The following ITCH variants were observed in gnomAD, a reference collection of about 807,000 sequenced individuals.
ITCH encodes the protein itchy E3 ubiquitin protein ligase.
Under a neutral mutation model 126.8 loss-of-function variants are expected in ITCH, and 28 were observed. The ratio of observed to expected loss-of-function variants is 0.22; its 90% confidence interval spans 0.16 to 0.30. The LOEUF (loss-of-function observed/expected upper bound fraction) is 0.30, where lower values mean the gene tolerates loss of function less well. ITCH is among the 10% of genes least tolerant of loss of function. ITCH has a pLI of 1.00. For missense variants in ITCH, 631 were observed against 1,032.4 expected (o/e 0.61, Z 5.33); for synonymous variants, 342 against 340.0 (o/e 1.01, Z -0.06).
intron 3 of ITCH, among the ~76,000 whole-genome samples, chr20:34,400,013 A>G (rs1174538433): frequency 6.6e-6 from 1 of 151,668 alleles, no homozygotes; most frequent in Non-Finnish European, 1.5e-5. Context: ...ATCTTGGCTC[A>G]CTGCAACCTC....
chr20:34,378,388 T>A (rs2037925631), intron 2 of ITCH, among the ~76,000 whole-genome samples: 1 of 139,542 alleles, frequency 7.2e-6, no homozygotes, highest in Admixed American at 8.2e-5. Flanking sequence ...GCTGGAGAAT[T>A]CCTGAACCCA....
At chr20:34,393,173 A>G (rs1246128415) in intron 2 of ITCH, among the ~76,000 whole-genome samples, 4 of 152,128 alleles carry the variant, frequency 2.6e-5, no homozygotes, top group Middle Eastern at 6.3e-3. Flanking sequence ...GCAAAGGGGA[A>G]GTCTTCTTTT....
At chr20:34,363,681 C>T (rs1054882240) in intron 1 of ITCH, among the ~76,000 whole-genome samples, 3 of 152,084 alleles carry the variant, frequency 2.0e-5, no homozygotes, top group Non-Finnish European at 2.9e-5. Flanking sequence ...CCCCTCAGCC[C>T]CGCCTGGGGC....
chr20:34,495,300 T>A (rs1387956254), intron 23 of ITCH, among the ~76,000 whole-genome samples: 1 of 135,940 alleles, frequency 7.4e-6, no homozygotes, highest in Non-Finnish European at 1.6e-5. Flanking sequence ...ATAAAATATA[T>A]ATATATATAT....
At chr20:34,469,010 AT>A (rs1363699461) in intron 14 of ITCH, among the ~76,000 whole-genome samples, 2 of 152,192 alleles carry the variant, frequency 1.3e-5, no homozygotes, top group Non-Finnish European at 2.9e-5. Context: ...TATACATTGA[AT>A]TTTTAAGAGG....
intron 3 of ITCH, among the ~76,000 whole-genome samples, chr20:34,395,592 C>T (rs960880423): frequency 1.3e-5 from 2 of 152,202 alleles, no homozygotes; most frequent in Non-Finnish European, 2.9e-5. Flanking sequence ...GCCCTGTACT[C>T]ATTAGCAGTC....
Position 34,501,940 on chromosome 20 carries a change from A to C in ITCH, c.2417-2391A>C, listed in dbSNP as rs1184858290. ...TAAATTATAGATGGTCAAGGTGGAG[A>C]AAAATGAGGTAGATCTTAAAAGCAT... On this transcript the variant is annotated intron_variant, in intron 23 of 24. Transcript: ENST00000374864. 9.2e-5 allele frequency among the ~76,000 whole-genome samples: 14 copies of C among 152,292 alleles called. No individual in the cohort carries two copies. In the South Asian group the frequency reaches 2.7e-3, roughly 29 times the overall value.
intron 10 of ITCH, among the ~76,000 whole-genome samples, chr20:34,444,913 A>T (rs1354490964): frequency 2.6e-5 from 4 of 152,238 alleles, no homozygotes; most frequent in Admixed American, 6.5e-5. Context: ...AAGTGCTAGG[A>T]TCACAGGTGT....
intron 12 of ITCH, among the ~76,000 whole-genome samples, chr20:34,450,481 A>G (rs1000647038): frequency 2.0e-5 from 3 of 152,226 alleles, no homozygotes; most frequent in Non-Finnish European, 4.4e-5. Context: ...AGTTATTAAA[A>G]TAGACCTTAA....
intron 9 of ITCH, 90 bp from the exon 10 acceptor site, chr20:34,442,118 A>T: frequency 1.1e-6 from 1 of 886,398 alleles, no homozygotes. Context: ...TTAGTTCAAT[A>T]ATGGTCATTT....
At chr20:34,372,398 T>TTTTTTTTTTTTTTTTTTTGGG (rs1568853572) in intron 2 of ITCH, among the ~76,000 whole-genome samples, 1 of 142,674 alleles carries the variant, frequency 7.0e-6, no homozygotes, top group African/African-American at 2.7e-5. Flanking sequence ...TTTTTTTTTT[T>TTTTTTTTTTTTTTTTTTTGGG]GAGAGGGAAT....
chr20:34,476,512 ATAGT>A, intron 16 of ITCH: 1 of 1,150,434 alleles, frequency 8.7e-7, no homozygotes, highest in South Asian at 4.4e-5. Flanking sequence ...TTATTTAAAG[ATAGT>A]TTTAACCTTG....
intron 6 of ITCH, among the ~76,000 whole-genome samples, chr20:34,421,020 C>T (rs1235676076): frequency 1.3e-5 from 2 of 152,208 alleles, no homozygotes; most frequent in Non-Finnish European, 2.9e-5. Context: ...TGGCCCAAGG[C>T]TTTCTAATCC....
At chr20:34,475,466 AAC>A (rs1988110761) in intron 16 of ITCH, among the ~76,000 whole-genome samples, 1 of 152,194 alleles carries the variant, frequency 6.6e-6, no homozygotes, top group Admixed American at 6.5e-5. Context: ...CGGCCCGGCC[AAC>A]ACATCGAAAT....
At chr20:34,443,804 G>A (rs1187625758) in intron 10 of ITCH, among the ~76,000 whole-genome samples, 1 of 152,078 alleles carries the variant, frequency 6.6e-6, no homozygotes, top group Non-Finnish European at 1.5e-5. Flanking sequence ...GGGCAGCATA[G>A]TGAGACCCCA....
At chr20:34,429,549 A>C (rs919675323) in intron 7 of ITCH, among the ~76,000 whole-genome samples, 1 of 152,164 alleles carries the variant, frequency 6.6e-6, no homozygotes, top group African/African-American at 2.4e-5. Context: ...CATTTTGAGA[A>C]CACAATGGTT....
At position 34,457,390 on chromosome 20, in the gene ITCH, A is replaced by G; in HGVS notation, c.1211A>G (p.Glu404Gly). ...DPLGPLPPGWEKRTDSNGRVY... is the reference protein window; with the variant it reads ...DPLGPLPPGWGKRTDSNGRVY... ...TCCCCTGCCCCTGCCCTTCCCAAAG[A>G]GAAGAGAACAGACAGCAATGGCAGA... Residue 404 changes from glutamate to glycine, a missense_variant and splice_region_variant, in exon 13 of 25, where the codon GAG becomes GGG. Physicochemically the swap from Glu to Gly is moderately conservative, Grantham distance 98. Coordinates refer to ENST00000374864, the MANE Select transcript of ITCH (RefSeq NM_031483.7). 6.2e-7 allele frequency: 1 copy of G among 1,610,678 alleles called. No individual in the cohort carries two copies. Among genetic ancestry groups the G allele is most frequent in the Non-Finnish European group, 8.5e-7 (1 of 1,177,004 alleles).
At chr20:34,488,424 A>T (rs2146504114) in intron 20 of ITCH, among the ~76,000 whole-genome samples, 1 of 152,274 alleles carries the variant, frequency 6.6e-6, no homozygotes, top group South Asian at 2.1e-4. Flanking sequence ...TTCAAAATGA[A>T]ATTATCTGGG....
chr20:34,367,212 C>T (rs547824587), intron 1 of ITCH, among the ~76,000 whole-genome samples: 3 of 152,186 alleles, frequency 2.0e-5, no homozygotes, highest in African/African-American at 7.2e-5. Context: ...GAGTCTTGCT[C>T]GGCCATGCAG....
Sources: allele counts gnomAD v4.1 joint callset (sites outside exome capture counted in the v4.1 genomes callset), GRCh38; gene constraint gnomAD v4.1.1; transcripts MANE v1.5; gene names NCBI Gene and HGNC (gene_info 2026-07-23, HGNC 2026-07-21).